TENM3: variants seen among roughly 807,000 people sequenced by gnomAD.
The protein encoded by TENM3 is teneurin transmembrane protein 3, also known as teneurin-3.
Under a neutral mutation model 255.1 loss-of-function variants are expected in TENM3, and 63 were observed. The ratio of observed to expected loss-of-function variants is 0.25; its 90% CI spans 0.20 to 0.30. TENM3 has a LOEUF of 0.30. Among genes scored for constraint, TENM3 ranks in the 10% least tolerant of loss-of-function variants. The probability of loss-of-function intolerance (pLI) is 1.00; values close to 1 mark genes in which losing one functional copy is unlikely to be tolerated. For synonymous variants in TENM3, 1,306 were observed against 1,322.3 expected (o/e 0.99, Z 0.27); for missense variants, 2,929 against 3,461.1 (o/e 0.85, Z 3.86).
chr4:181,939,808 A>T, the TENM3 span, among the ~76,000 whole-genome samples: 30 of 152,322 alleles, frequency 2.0e-4, no homozygotes, highest in East Asian at 3.3e-3. Flanking sequence ...CTCCAGGGTG[A>T]ATCTTTTAGG....
chr4:182,175,076 T>C (rs1752375149), intron 1 of TENM3, among the ~76,000 whole-genome samples: 1 of 152,076 alleles, frequency 6.6e-6, no homozygotes, highest in Non-Finnish European at 1.5e-5. Context: ...ATAACAACAT[T>C]TCAGAAAATG....
the TENM3 span, among the ~76,000 whole-genome samples, chr4:181,495,931 A>G: frequency 6.6e-6 from 1 of 151,296 alleles, no homozygotes; most frequent in East Asian, 1.9e-4. Context: ...AAGAAACATA[A>G]AACTTTGCTC....
chr4:181,763,451 T>G, the TENM3 span, among the ~76,000 whole-genome samples: 1 of 152,234 alleles, frequency 6.6e-6, no homozygotes, highest in Admixed American at 6.5e-5. Context: ...ACATCTGTTT[T>G]TATATGGCCC....
intron 3 of TENM3, among the ~76,000 whole-genome samples, chr4:182,522,251 T>A (rs1454918136): frequency 6.6e-6 from 1 of 152,188 alleles, no homozygotes; most frequent in Non-Finnish European, 1.5e-5. Flanking sequence ...AACTATCATT[T>A]CCCCATTGTA....
the TENM3 span, among the ~76,000 whole-genome samples, chr4:181,801,819 A>G: frequency 6.6e-6 from 1 of 151,740 alleles, no homozygotes; most frequent in Admixed American, 6.6e-5. Flanking sequence ...TTCCTATTAG[A>G]TTAAAAGGAG....
At chr4:181,797,903 T>C in the TENM3 span, among the ~76,000 whole-genome samples, 4 of 152,158 alleles carry the variant, frequency 2.6e-5, no homozygotes, top group Non-Finnish European at 4.4e-5. Flanking sequence ...GATAATAAAT[T>C]TGGAACCAGC....
the TENM3 span, among the ~76,000 whole-genome samples, chr4:181,932,398 C>A: frequency 1.1e-4 from 16 of 152,162 alleles, no homozygotes; most frequent in South Asian, 2.1e-4. Context: ...ATGTGGCCAA[C>A]AAACATATGA....
chr4:181,641,202 A>T, the TENM3 span, among the ~76,000 whole-genome samples: 5 of 151,922 alleles, frequency 3.3e-5, no homozygotes, highest in East Asian at 9.7e-4. Flanking sequence ...TATTATTATT[A>T]TACTTTAAAT....
intron 4 of TENM3, among the ~76,000 whole-genome samples, chr4:182,607,964 G>C (rs980356703): frequency 6.6e-6 from 1 of 152,040 alleles, no homozygotes; most frequent in Non-Finnish European, 1.5e-5. Context: ...CCTTTACTCT[G>C]GTCCTAGTCA....
the TENM3 span, among the ~76,000 whole-genome samples, chr4:181,795,899 G>A: frequency 6.6e-6 from 1 of 152,264 alleles, no homozygotes; most frequent in South Asian, 2.1e-4. Flanking sequence ...CTGGTACCTA[G>A]GCAGAAAATG....
chr4:182,541,913 A>T (rs957571881), intron 3 of TENM3, among the ~76,000 whole-genome samples: 1 of 151,900 alleles, frequency 6.6e-6, no homozygotes, highest in Admixed American at 6.6e-5. Flanking sequence ...AAAAAAAAAA[A>T]TTAGCGAGGC....
At chr4:181,915,637 AAGG>A in the TENM3 span, among the ~76,000 whole-genome samples, 15 of 143,612 alleles carry the variant, frequency 1.0e-4, 1 homozygote, top group East Asian at 2.1e-3. Flanking sequence ...GAATGCAAGA[AAGG>A]AGAGAGGAGA....
the TENM3 span, among the ~76,000 whole-genome samples, chr4:181,639,285 T>C: frequency 2.2e-4 from 34 of 152,282 alleles, no homozygotes; most frequent in African/African-American, 7.9e-4. Context: ...AGATATTTTA[T>C]TTATTTGCTG....
intron 12 of TENM3, among the ~76,000 whole-genome samples, chr4:182,693,647 A>G (rs1460145348): frequency 6.6e-6 from 1 of 152,178 alleles, no homozygotes; most frequent in Non-Finnish European, 1.5e-5. Flanking sequence ...TTCGCAATGT[A>G]AAATGGCTAT....
chr4:182,076,360 C>T, the TENM3 span, among the ~76,000 whole-genome samples: 816 of 152,120 alleles, frequency 5.4e-3, 4 homozygotes, highest in Middle Eastern at 0.01. Context: ...CCCACCACCA[C>T]GCCCAGCTTA....
the TENM3 span, among the ~76,000 whole-genome samples, chr4:181,447,627 C>A: frequency 6.6e-6 from 1 of 152,160 alleles, no homozygotes; most frequent in Non-Finnish European, 1.5e-5. Flanking sequence ...AGAGCTGCTT[C>A]CTCGGAAGAG....
At chr4:182,748,419 A>C (rs1762153955) in intron 19 of TENM3, among the ~76,000 whole-genome samples, 1 of 152,154 alleles carries the variant, frequency 6.6e-6, no homozygotes, top group South Asian at 2.1e-4. Flanking sequence ...CACAGTAGAT[A>C]GATTACTGAC....
At chr4:181,904,950 C>A in the TENM3 span, among the ~76,000 whole-genome samples, 1 of 152,172 alleles carries the variant, frequency 6.6e-6, no homozygotes, top group Non-Finnish European at 1.5e-5. Flanking sequence ...TTTCCCTGCA[C>A]AAGCTCTCTT....
At chr4:181,942,721 A>G in the TENM3 span, among the ~76,000 whole-genome samples, 1 of 152,222 alleles carries the variant, frequency 6.6e-6, no homozygotes, top group Non-Finnish European at 1.5e-5. Flanking sequence ...ACATGAAACT[A>G]TCTTAAAGTC....
Sources: gnomAD v4.1 joint callset for allele counts (sites outside exome capture counted in the v4.1 genomes callset) on GRCh38, gnomAD v4.1.1 for gene constraint, MANE v1.5 for transcripts, NCBI Gene and HGNC (gene_info 2026-07-23, HGNC 2026-07-21) for gene names.